Variants in UBAP2L observed in about 807,000 individuals in gnomAD.
UBAP2L encodes ubiquitin-associated protein 2-like.
Under a neutral mutation model 130.6 loss-of-function variants are expected in UBAP2L, and 12 were observed. That is an observed-to-expected ratio of 0.09 (90% CI 0.06 to 0.15). The LOEUF (loss-of-function observed/expected upper bound fraction) is 0.15. UBAP2L is among the 10% of genes least tolerant of loss of function. UBAP2L has a pLI of 1.00. For missense variants in UBAP2L, 965 were observed against 1,332.5 expected (o/e 0.72, Z 4.29); for synonymous variants, 503 against 524.7 (o/e 0.96, Z 0.57).
In UBAP2L at chr1:154,255,747, A is replaced by G. The variant is rs756732724; in HGVS notation, c.2149A>G (p.Thr717Ala). The stretch of plus-strand genomic sequence containing the variant: ...ATCTTCTGGGCGCACTTCGACATCC[A>G]CTCTTTTGGTAAGTGTGATGCTGAG... ...STSSGRTSTS[T>A]LLHTSVESEA... Residue 717 changes from threonine (T) to alanine (A), a missense_variant, in exon 18 of 27, where the codon ACT becomes GCT. This residue lies in a region of UBAP2L where 393 missense variants were observed against 408.1 expected (regional missense o/e 0.96). Coordinates refer to ENST00000428931, the MANE Select transcript of UBAP2L (RefSeq NM_014847.4). 5.6e-6 allele frequency: 9 copies of G among 1,613,708 alleles called. No individual in the cohort carries two copies. Among genetic ancestry groups the G allele is most frequent in the Non-Finnish European group, 7.6e-6 (9 of 1,179,904 alleles).
chr1:154,245,746 C>G (rs914337412), intron 10 of UBAP2L, among the ~76,000 whole-genome samples: 3 of 151,178 alleles, frequency 2.0e-5, no homozygotes, highest in Non-Finnish European at 1.5e-5. Context: ...AACCCCTTCT[C>G]TATTAAAAAT....
Position 154,236,638 on chromosome 1 carries a change from A to G in UBAP2L, c.590+27A>G, listed in dbSNP as rs1558145425. 8.1e-6 allele frequency: 13 copies of G among 1,612,838 alleles called. No individual in the cohort carries two copies. In the East Asian group the frequency reaches 2.7e-4, roughly 33 times the overall value. ...TAAGTTTCATTGATCTAGTGTCTTA[A>G]TTTTTTTTCCCTTAAAAATTACTGT... On this transcript the variant is annotated intron_variant, in intron 7 of 26. Coordinates refer to ENST00000428931, the MANE Select transcript of UBAP2L (RefSeq NM_014847.4).
intron 4 of UBAP2L, 150 bp downstream of exon 4, chr1:154,228,875 G>C (rs1192883717): frequency 5.8e-6 from 3 of 518,200 alleles, no homozygotes; most frequent in Non-Finnish European, 1.0e-5. Flanking sequence ...TTCACCACAG[G>C]TTATAAATAC....
At chr1:154,268,641 G>A in intron 25 of UBAP2L, 116 bp from the exon 26 acceptor site, 2 of 966,436 alleles carry the variant, frequency 2.1e-6, no homozygotes, top group South Asian at 2.9e-5. Context: ...CAAGTGTACT[G>A]TGCCTTCTGT....
intron 8 of UBAP2L, among the ~76,000 whole-genome samples, chr1:154,241,238 G>A (rs891016348): frequency 6.6e-6 from 1 of 151,996 alleles, no homozygotes; most frequent in Non-Finnish European, 1.5e-5. Context: ...ACAGGCATGT[G>A]CCACCACGCC....
Position 154,249,455 on chromosome 1 carries a change from G to T in UBAP2L, c.1213+18G>T, listed in dbSNP as rs1246928782. 5.6e-6 allele frequency: 9 copies of T among 1,613,806 alleles called. No individual in the cohort carries two copies. The South Asian group carries it at 8.8e-5, about 16-fold the overall frequency. On this transcript the variant is annotated intron_variant, in intron 12 of 26. Coordinates refer to ENST00000428931, the MANE Select transcript of UBAP2L (RefSeq NM_014847.4). ...GCAGTATGGTGAGAAGATGGAAAGT[G>T]ACTTGAATCTTTAAAGCATTGGAGC... is the stretch of plus-strand genomic sequence containing the variant.
intron 15 of UBAP2L, chr1:154,254,534 A>G: frequency 2.0e-6 from 1 of 496,668 alleles, no homozygotes; most frequent in Non-Finnish European, 3.5e-6. Context: ...AAATCACTGG[A>G]TGTGGACTTT....
Position 154,233,018 on chromosome 1 carries a change from CTTTTTTT to C in UBAP2L, c.280-1565_280-1559del, listed in dbSNP as rs1339953340. On this transcript the variant is annotated intron_variant, in intron 4 of 26. Transcript: ENST00000428931. ...ACCACACCCAGCCTTACCTTTTTTTCTTTTTTTTTTTTTTGAGATGGAGACTCCTCTG... is the reference window on the plus strand; with the variant it reads ...ACCACACCCAGCCTTACCTTTTTTTCTTTTTTTGAGATGGAGACTCCTCTG... Among the ~76,000 whole-genome samples the C allele has an allele frequency of 2.7e-5, 4 of 148,516 alleles. No individual in the cohort carries two copies. In the East Asian group the frequency reaches 5.8e-4, roughly 22 times the overall value.
rs1052890674 is a variant in UBAP2L, at chr1:154,251,194, T to C, written c.1367T>C (p.Leu456Pro). 9.9e-6 allele frequency: 16 copies of C among 1,614,050 alleles called. No individual in the cohort carries two copies. Among genetic ancestry groups the C allele is most frequent in the Non-Finnish European group, 1.4e-5 (16 of 1,180,050 alleles). The change falls in exon 13 of 27, where the codon CTG becomes CCG. Residue 456 changes from leucine (L) to proline (P), a missense_variant. Coordinates refer to ENST00000428931, the MANE Select transcript of UBAP2L (RefSeq NM_014847.4). ...GCACCTCCACCTCCGTCTTCTCCTC[T>C]GCCAAGCAAATCCACATCGGCTCCA... ...TAAPPPPSSP[L>P]PSKSTSAPQM... is the part of the protein sequence containing the mutation.
At position 154,270,840 on chromosome 1, in the gene UBAP2L, A is replaced by G; in HGVS notation, c.*545A>G. 1 of 1,540,530 alleles carries G rather than the reference A, an allele frequency of 6.5e-7. No individual in the cohort carries two copies. Among genetic ancestry groups the G allele is most frequent in the Non-Finnish European group, 8.7e-7 (1 of 1,144,160 alleles). ...ATGTGTCTTGTATATATAAAAAGAA[A>G]ACCTCTACCTTCAGCCTCTGCCTAT... On this transcript the variant is annotated 3_prime_UTR_variant, in exon 27 of 27. Coordinates refer to ENST00000428931, the MANE Select transcript of UBAP2L (RefSeq NM_014847.4).
In UBAP2L at chr1:154,261,071, C is replaced by T; in HGVS notation, c.2758C>T (p.Leu920Phe). 2 of 1,614,236 alleles carry T rather than the reference C, an allele frequency of 1.2e-6. No homozygotes were observed. Among genetic ancestry groups the T allele is most frequent in the Non-Finnish European group, 1.7e-6 (2 of 1,180,036 alleles). ...GCCATACTATACAGGGGTCCCGGGC[C>T]TCCCCAGCACCTTCCAGTATGGGCC... The part of the protein sequence containing the change: ...SLPYYTGVPG[L>F]PSTFQYGPAV... Residue 920 changes from leucine (L) to phenylalanine (F), a missense_variant, in exon 23 of 27, where the codon CTC becomes TTC. By Grantham distance (22) the Leu-to-Phe change is conservative. Coordinates refer to ENST00000428931, the MANE Select transcript of UBAP2L (RefSeq NM_014847.4).
intron 21 of UBAP2L, chr1:154,259,735 C>A (rs1180970625): frequency 4.2e-6 from 3 of 712,170 alleles, no homozygotes; most frequent in Non-Finnish European, 7.7e-6. Context: ...GTGGGCATAC[C>A]CGTAGACCTT....
At chr1:154,221,575 A>G in intron 1 of UBAP2L, among the ~76,000 whole-genome samples, 1 of 152,074 alleles carries the variant, frequency 6.6e-6, no homozygotes, top group East Asian at 1.9e-4. Context: ...TTGGTGTGCG[A>G]AGGATTAATT....
intron 4 of UBAP2L, among the ~76,000 whole-genome samples, chr1:154,233,615 A>G (rs1232814520): frequency 1.3e-5 from 2 of 149,962 alleles, no homozygotes; most frequent in South Asian, 2.1e-4. Context: ...GAGCCACCGC[A>G]CCTGGCCACC....
rs370017648 is a variant in UBAP2L at position 154,270,770 on chromosome 1, G to GTTT, written c.*489_*491dup. The GTTT allele has an allele frequency of 0.023, 20,541 of 906,866 alleles. 131 individuals are homozygous for GTTT. Among genetic ancestry groups the GTTT allele is most frequent in the Non-Finnish European group, 0.025 (18,590 of 754,930 alleles). The allele number at this position is 906,866 out of a possible 1,614,324, so 56.2% of individuals were successfully genotyped here. A position where few individuals can be genotyped will look rare whatever the true frequency, so the allele number is the denominator to read the frequency against. ...AATTAGTTGAAGTGGTTTTTTTTTT[G>GTTT]TTTTTTTTTTTTTTTTGTACTGTGT... On this transcript the variant is annotated 3_prime_UTR_variant, in exon 27 of 27. Coordinates refer to ENST00000428931, the MANE Select transcript of UBAP2L (RefSeq NM_014847.4).
intron 1 of UBAP2L, among the ~76,000 whole-genome samples, chr1:154,222,418 C>T (rs904650717): frequency 1.3e-5 from 2 of 152,176 alleles, no homozygotes; most frequent in African/African-American, 2.4e-5. Flanking sequence ...GATCTGACAC[C>T]ATTGTCCTTA....
intron 22 of UBAP2L, among the ~76,000 whole-genome samples, chr1:154,260,298 A>G (rs551048578): frequency 6.6e-6 from 1 of 152,324 alleles, no homozygotes; most frequent in Non-Finnish European, 1.5e-5. Context: ...GCTTGAGCCC[A>G]GGAGTTCAAG....
At chr1:154,269,718 AGAT>A (rs1246649601) in intron 26 of UBAP2L, 2 of 315,438 alleles carry the variant, frequency 6.3e-6, no homozygotes, top group Non-Finnish European at 1.2e-5. Flanking sequence ...ATGGGCTCAC[AGAT>A]GTGATGTGTG....
chr1:154,247,779 A>C (rs996879130), intron 11 of UBAP2L, among the ~76,000 whole-genome samples: 1 of 152,100 alleles, frequency 6.6e-6, no homozygotes, highest in Non-Finnish European at 1.5e-5. Context: ...TATAAATACT[A>C]TTCTGTTTTT....
Sources: gnomAD v4.1 joint callset for allele counts (sites outside exome capture counted in the v4.1 genomes callset) on GRCh38, gnomAD v4.1.1 for gene constraint, gnomAD v4.1.1 regional missense constraint, MANE v1.5 for transcripts, NCBI Gene and HGNC (gene_info 2026-07-23, HGNC 2026-07-21) for gene names.